The following DSE variants were observed in gnomAD, a reference collection of about 807,000 sequenced individuals.
The protein encoded by DSE is dermatan sulfate epimerase.
A neutral mutation model predicts 84.4 loss-of-function variants in DSE; 36 were observed. The ratio of observed to expected loss-of-function variants is 0.43; its 90% CI spans 0.33 to 0.56. The LOEUF (loss-of-function observed/expected upper bound fraction) is 0.56. Among genes scored for constraint, DSE ranks in the 20% least tolerant of loss-of-function variants. The pLI is 0.06. For missense variants in DSE, 862 were observed against 1,169.6 expected, an observed-to-expected ratio of 0.74 and a Z score of 3.84; for synonymous variants, 410 against 430.1, an observed-to-expected ratio of 0.95 and a Z score of 0.58.
At chr6:116,371,251 G>A in intron 1 of DSE, 130 bp downstream of exon 1, 1 of 972,150 alleles carries the variant, frequency 1.0e-6, no homozygotes. Context: ...CCGGCTGAGA[G>A]CGGAGCGCCG....
At chr6:116,387,109 T>C (rs976231031) in intron 1 of DSE, among the ~76,000 whole-genome samples, 29 of 152,302 alleles carry the variant, frequency 1.9e-4, no homozygotes, top group Admixed American at 1.0e-3. Context: ...ATCAGTGTCA[T>C]GACTCACCCA....
chr6:116,268,606 A>G (rs755901328), intron 2 of DSE, among the ~76,000 whole-genome samples: 3 of 152,240 alleles, frequency 2.0e-5, no homozygotes, highest in African/African-American at 7.2e-5. Context: ...AATGCCCTTA[A>G]TGAATACCAG....
intron 2 of DSE, among the ~76,000 whole-genome samples, chr6:116,261,209 T>A (rs905682200): frequency 6.6e-5 from 10 of 151,958 alleles, no homozygotes; most frequent in African/African-American, 2.4e-4. Flanking sequence ...GTTAGGTGTA[T>A]TCCTAGGTAC....
intron 2 of DSE, among the ~76,000 whole-genome samples, chr6:116,420,953 C>T (rs1783034160): frequency 6.6e-6 from 1 of 152,150 alleles, no homozygotes; most frequent in South Asian, 2.1e-4. Flanking sequence ...TTTTAAAAAG[C>T]ATTTATGATA....
chr6:116,397,513 T>A (rs568344428), intron 1 of DSE, among the ~76,000 whole-genome samples: 7 of 152,174 alleles, frequency 4.6e-5, no homozygotes, highest in African/African-American at 1.7e-4. Flanking sequence ...GGCCGGTATA[T>A]TGTTCTCTAA....
At chr6:116,412,764 A>G (rs957436242) in intron 2 of DSE, 3 of 151,902 alleles carry the variant, frequency 2.0e-5, no homozygotes, top group African/African-American at 7.3e-5. Flanking sequence ...ATATTGTGTG[A>G]TGCTGCAATT....
intron 2 of DSE, among the ~76,000 whole-genome samples, chr6:116,357,255 G>A (rs1012501175): frequency 1.2e-4 from 19 of 152,100 alleles, no homozygotes; most frequent in Non-Finnish European, 1.8e-4. Flanking sequence ...GTTATCAGCC[G>A]GGCACGGTGG....
At chr6:116,371,399 A>G (rs1432953137) in intron 1 of DSE, among the ~76,000 whole-genome samples, 1 of 152,132 alleles carries the variant, frequency 6.6e-6, no homozygotes, top group Non-Finnish European at 1.5e-5. Context: ...TTGAACGCCG[A>G]GCACCGAGCC....
At position 116,433,436 on chromosome 6, in the gene DSE, G is replaced by C. The variant is rs371480627; in HGVS notation, c.1004G>C (p.Arg335Pro). Residue 335 changes from arginine to proline, a missense_variant, in exon 5 of 6, where the codon CGT (arginine) becomes CCT (proline). Coordinates refer to ENST00000644252, the MANE Select transcript of DSE (RefSeq NM_013352.4). ...QLVFLDKFVM[R>P]NGSGNWLADQ... ...GTGTTCCTTGATAAATTTGTCATGCGTAATGGCAGTGGTAACTGGCTAGCT... is the reference window on the plus strand; with the variant it reads ...GTGTTCCTTGATAAATTTGTCATGCCTAATGGCAGTGGTAACTGGCTAGCT... 6.4e-7 allele frequency: 1 copy of C among 1,551,972 alleles called. No individual in the cohort carries two copies. Among genetic ancestry groups the C allele is most frequent in the African/African-American group, 1.4e-5 (1 of 73,082 alleles).
chr6:116,430,689 C>G lies in DSE; in HGVS notation c.671-265C>G, dbSNP rs531626433. Among the ~76,000 whole-genome samples the G allele has an allele frequency of 4.0e-4, 61 of 152,260 alleles. No homozygotes were observed. The South Asian group carries it at 0.012, about 30-fold the overall frequency. On this transcript the variant is annotated intron_variant, in intron 3 of 5. Transcript: ENST00000644252. ...CCCAAGTAGCTGGGACTACAGGCAT[C>G]TGCCACCACACCCGGCTAATTTTTT...
rs925399315 is a variant in DSE at position 116,440,699 on chromosome 6, G to A, written c.*3354G>A. On this transcript the variant is annotated 3_prime_UTR_variant, in exon 6 of 6. Transcript: ENST00000644252. ...AGAGTTAAAGGAGGAGCAATTAATTGTTATTCCAGGACAACAGATATAAAT... is the reference window on the plus strand; with the variant it reads ...AGAGTTAAAGGAGGAGCAATTAATTATTATTCCAGGACAACAGATATAAAT... 4 of 152,208 alleles carry A rather than the reference G, an allele frequency of 2.6e-5. No homozygotes were observed. Among genetic ancestry groups the A allele is most frequent in the Non-Finnish European group, 5.9e-5 (4 of 68,044 alleles). 9.4% of individuals were successfully genotyped at this position (152,208 alleles called of 1,614,324 possible). A position where few individuals can be genotyped will look rare whatever the true frequency, so the allele number is the denominator to read the frequency against.
In DSE at chr6:116,435,643, A is replaced by G. The variant is rs1784098458; in HGVS notation, c.1175A>G (p.His392Arg). ...CCAGACTTTGGCACCCCTACACTGC[A>G]TTATTTTGAAGACTGGGGTGTCGTG... ...PPPDFGTPTL[H>R]YFEDWGVVTY... Residue 392 changes from histidine (H) to arginine (R), a missense_variant, in exon 6 of 6, where the codon CAT (histidine) becomes CGT (arginine). By Grantham distance (29) the His-to-Arg change is conservative. This residue lies in a region of DSE where 309 missense variants were observed against 516.9 expected (regional missense o/e 0.60). Coordinates refer to ENST00000644252, the MANE Select transcript of DSE (RefSeq NM_013352.4). 3.1e-6 allele frequency: 5 copies of G among 1,613,894 alleles called. No individual in the cohort carries two copies. The highest frequency in any genetic ancestry group is 4.2e-6 in the Non-Finnish European group (5 of 1,179,868).
intron 1 of DSE, among the ~76,000 whole-genome samples, chr6:116,380,237 A>T (rs945997486): frequency 2.0e-5 from 3 of 152,104 alleles, no homozygotes. Flanking sequence ...AGTATTTGCC[A>T]GGTACTTCTG....
intron 2 of DSE, among the ~76,000 whole-genome samples, chr6:116,333,405 A>G (rs1777066469): frequency 6.6e-6 from 1 of 152,198 alleles, no homozygotes; most frequent in African/African-American, 2.4e-5. Flanking sequence ...AAACAGAGAA[A>G]AAGAGGGCCA....
intron 2 of DSE, among the ~76,000 whole-genome samples, chr6:116,360,354 A>G (rs2114876869): frequency 6.6e-6 from 1 of 151,738 alleles, no homozygotes; most frequent in South Asian, 2.1e-4. Flanking sequence ...ATTTTTAAAA[A>G]TTTTGAAAAA....
intron 2 of DSE, among the ~76,000 whole-genome samples, chr6:116,349,571 G>C (rs149603904): frequency 2.0e-3 from 297 of 152,288 alleles, no homozygotes; most frequent in African/African-American, 6.9e-3. Context: ...AGAGCAGTTG[G>C]CTTTCCCTGT....
Position 116,399,580 on chromosome 6 carries a change from A to C in DSE, c.330A>C (p.Ala110=), listed in dbSNP as rs1583172878. 1 of 1,614,248 alleles carries C rather than the reference A, an allele frequency of 6.2e-7. No homozygotes were observed. Among genetic ancestry groups the C allele is most frequent in the Non-Finnish European group, 8.5e-7 (1 of 1,180,044 alleles). Residue 110 remains alanine, a synonymous_variant, in exon 2 of 6, where the codon GCA becomes GCC. Coordinates refer to ENST00000644252, the MANE Select transcript of DSE (RefSeq NM_013352.4). ...TTGGAAACAACTTGGGTGCCTTGGC[A>C]ATGTTCTGTGTGCTGTATCCTGAGA... ...EIFGNNLGAL[A]MFCVLYPENI...
At chr6:116,347,282 A>G (rs1778034391) in intron 2 of DSE, among the ~76,000 whole-genome samples, 1 of 152,156 alleles carries the variant, frequency 6.6e-6, no homozygotes, top group Admixed American at 6.5e-5. Context: ...TAAAGTTCAT[A>G]TGGAACCAAA....
intron 2 of DSE, among the ~76,000 whole-genome samples, chr6:116,281,855 C>T (rs900255070): frequency 6.6e-6 from 1 of 152,212 alleles, no homozygotes; most frequent in Non-Finnish European, 1.5e-5. Flanking sequence ...TTCCTATCTG[C>T]CACTGGCAAA....
Sources: gnomAD v4.1 joint callset for allele counts (sites outside exome capture counted in the v4.1 genomes callset) on GRCh38, gnomAD v4.1.1 for gene constraint, gnomAD v4.1.1 regional missense constraint, MANE v1.5 for transcripts, NCBI Gene and HGNC (gene_info 2026-07-23, HGNC 2026-07-21) for gene names.